NR3C2: variants seen among roughly 807,000 people sequenced by gnomAD.
The protein encoded by NR3C2 is mineralocorticoid receptor.
NR3C2 carries 15 observed loss-of-function variants against 86.4 expected under a neutral mutation model. The observed-to-expected ratio is 0.17, with a 90% CI of 0.12 to 0.27. NR3C2 has a LOEUF of 0.27. Ranked by LOEUF, NR3C2 falls within the 10% of genes least tolerant of loss-of-function variation. The pLI, the probability that NR3C2 is intolerant of heterozygous loss-of-function variation, is 1.00. For synonymous variants in NR3C2, 458 were observed against 450.5 expected (o/e 1.02, Z -0.21); for missense variants, 960 against 1,195.6 (o/e 0.80, Z 2.91).
intron 4 of NR3C2, among the ~76,000 whole-genome samples, chr4:148,179,350 CT>C (rs1735543067): frequency 6.6e-6 from 1 of 151,468 alleles, no homozygotes; most frequent in African/African-American, 2.4e-5. Context: ...CTCTCAGGCC[CT>C]TTAAGGAAGG....
At chr4:148,363,502 A>ATTTTTTT (rs1414328296) in intron 2 of NR3C2, among the ~76,000 whole-genome samples, 7 of 16,226 alleles carry the variant, frequency 4.3e-4, no homozygotes, top group Admixed American at 9.9e-4. Flanking sequence ...CTTCTCATAG[A>ATTTTTTT]TCTCTTTTTT....
At chr4:148,379,429 A>G (rs1178443594) in intron 2 of NR3C2, among the ~76,000 whole-genome samples, 2 of 152,242 alleles carry the variant, frequency 1.3e-5, no homozygotes, top group African/African-American at 2.4e-5. Flanking sequence ...CAACATGCAC[A>G]GTAAGCTCAC....
At chr4:148,259,842 C>G (rs72655232) in intron 3 of NR3C2, 136 bp downstream of exon 3, 1 of 1,124,288 alleles carries the variant, frequency 8.9e-7, no homozygotes, top group South Asian at 1.3e-5. Flanking sequence ...ATACAAGGCA[C>G]TATTACTGTT....
intron 3 of NR3C2, among the ~76,000 whole-genome samples, chr4:148,241,620 G>T (rs1474466865): frequency 1.3e-5 from 2 of 151,992 alleles, no homozygotes; most frequent in Non-Finnish European, 2.9e-5. Flanking sequence ...CCATTCCCTT[G>T]CACTTTACCT....
At chr4:148,169,871 C>A (rs1229684921) in intron 4 of NR3C2, among the ~76,000 whole-genome samples, 1 of 152,188 alleles carries the variant, frequency 6.6e-6, no homozygotes, top group Non-Finnish European at 1.5e-5. Flanking sequence ...TCATTTTTAA[C>A]AAACTTCCCA....
At chr4:148,165,512 C>T (rs1245887005) in intron 4 of NR3C2, among the ~76,000 whole-genome samples, 3 of 152,072 alleles carry the variant, frequency 2.0e-5, no homozygotes, top group African/African-American at 2.4e-5. Context: ...CTTATGACTA[C>T]ATCATTATAA....
chr4:148,392,462 G>C (rs559798554), intron 2 of NR3C2, among the ~76,000 whole-genome samples: 1 of 152,150 alleles, frequency 6.6e-6, no homozygotes, highest in African/African-American at 2.4e-5. Context: ...GCAGTGATTC[G>C]GAACTCTCTC....
Position 148,152,621 on chromosome 4 carries a change from A to G in NR3C2, c.2366-8T>C. The G allele has an allele frequency of 6.2e-7, 1 of 1,613,614 alleles. No individual in the cohort carries two copies. The highest frequency in any genetic ancestry group is 1.1e-5 in the South Asian group (1 of 91,070). On this transcript the variant is annotated splice_polypyrimidine_tract_variant and splice_region_variant and intron_variant, in intron 5 of 8. Coordinates refer to ENST00000358102, the MANE Select transcript of NR3C2 (RefSeq NM_000901.5). ...GAGGCAAGTTTTTAAATCCTGAAGA[A>G]CAAAACAATTAATCACAGAAATACA...
At position 148,215,926 on chromosome 4, in the gene NR3C2, CCCA is replaced by C. The variant is rs564933921; in HGVS notation, c.1898-21067_1898-21065del. Among the ~76,000 whole-genome samples, 480 of 151,878 alleles carry C rather than the reference CCCA, an allele frequency of 3.2e-3. 2 individuals are homozygous for C. The highest frequency in any genetic ancestry group is 0.011 in the African/African-American group (454 of 41,384). On this transcript the variant is annotated intron_variant, in intron 3 of 8. Transcript: ENST00000358102. ...TCCTGAGTAGCTGGGACTATAGGCG[CCCA>C]CCACCACGCCTAGCTATTTTTTTTG...
chr4:148,169,184 C>T (rs1184388553), intron 4 of NR3C2, among the ~76,000 whole-genome samples: 4 of 152,170 alleles, frequency 2.6e-5, no homozygotes, highest in Admixed American at 2.6e-4. Flanking sequence ...GGCCTAAACT[C>T]ATCTCTCTGG....
chr4:148,081,574 G>A (rs1730562416), intron 8 of NR3C2, 75 bp from the exon 9 acceptor site: 2 of 1,601,346 alleles, frequency 1.2e-6, no homozygotes, highest in South Asian at 1.1e-5. Context: ...TCTGACTTTG[G>A]TGGGAACTCA....
chr4:148,152,645 C>T (rs200727367), intron 5 of NR3C2, 32 bp from the exon 6 acceptor site: 3 of 1,610,662 alleles, frequency 1.9e-6, no homozygotes, highest in Middle Eastern at 1.7e-4. Context: ...CACAGAAATA[C>T]ACTTAGCATT....
intron 6 of NR3C2, among the ~76,000 whole-genome samples, chr4:148,140,599 G>A (rs889430721): frequency 1.3e-5 from 2 of 152,158 alleles, no homozygotes; most frequent in African/African-American, 4.8e-5. Context: ...AGTATTTTTA[G>A]CTGAAGAGAC....
At chr4:148,372,232 C>A (rs1044392711) in intron 2 of NR3C2, among the ~76,000 whole-genome samples, 4 of 151,624 alleles carry the variant, frequency 2.6e-5, no homozygotes, top group Non-Finnish European at 5.9e-5. Flanking sequence ...TTTGGATAAA[C>A]CAAAAAAGAA....
At chr4:148,308,803 C>T (rs558275608) in intron 2 of NR3C2, among the ~76,000 whole-genome samples, 32 of 152,032 alleles carry the variant, frequency 2.1e-4, no homozygotes, top group Non-Finnish European at 3.8e-4. Flanking sequence ...CTGAGCAACA[C>T]GGTAAAACCC....
At position 148,245,667 on chromosome 4, in the gene NR3C2, A is replaced by G. The variant is rs545494468; in HGVS notation, c.1897+14311T>C. On this transcript the variant is annotated intron_variant, in intron 3 of 8. Transcript: ENST00000358102. ...TCTGATGACAACCCAGTACATCTAA[A>G]CTGAACCTAGGAAATGAGACACTAT... Among the ~76,000 whole-genome samples the G allele has an allele frequency of 3.5e-3, 531 of 152,312 alleles. 2 individuals are homozygous for G. Among genetic ancestry groups the G allele is most frequent in the Non-Finnish European group, 3.4e-3 (233 of 68,024 alleles).
intron 8 of NR3C2, among the ~76,000 whole-genome samples, chr4:148,086,337 T>A (rs962833892): frequency 1.3e-5 from 2 of 152,264 alleles, no homozygotes; most frequent in South Asian, 4.2e-4. Context: ...CACAAATCAA[T>A]AAATGTAATC....
intron 2 of NR3C2, among the ~76,000 whole-genome samples, chr4:148,415,305 T>C (rs1252813149): frequency 6.6e-6 from 1 of 152,178 alleles, no homozygotes; most frequent in African/African-American, 2.4e-5. Flanking sequence ...GAAAGATCAT[T>C]AATATAGAGG....
chr4:148,123,461 T>C (rs759489187), intron 6 of NR3C2, among the ~76,000 whole-genome samples: 3 of 152,188 alleles, frequency 2.0e-5, no homozygotes, highest in Non-Finnish European at 4.4e-5. Flanking sequence ...GTAGTTCTGC[T>C]TTTTGCCCTT....
Sources: gnomAD v4.1 joint callset for allele counts (sites outside exome capture counted in the v4.1 genomes callset) on GRCh38, gnomAD v4.1.1 for gene constraint, MANE v1.5 for transcripts, NCBI Gene and HGNC (gene_info 2026-07-23, HGNC 2026-07-21) for gene names.